Variants in MACF1 observed in about 807,000 individuals in gnomAD.
MACF1 encodes the protein microtubule actin crosslinking factor 1, also known as microtubule-actin cross-linking factor 1.
Under a neutral mutation model 854.8 loss-of-function variants are expected in MACF1, and 193 were observed. That is an observed-to-expected ratio of 0.23 (90% CI 0.20 to 0.25). The LOEUF is 0.25. MACF1 is among the 10% of genes least tolerant of loss of function. The pLI is 1.00. For synonymous variants in MACF1, 3,185 were observed against 3,226.7 expected (o/e 0.99, Z 0.44); for missense variants, 7,722 against 8,929.1 (o/e 0.86, Z 5.45).
At chr1:39,475,561 G>A (rs1644863366) in intron 97 of MACF1, among the ~76,000 whole-genome samples, 1 of 152,120 alleles carries the variant, frequency 6.6e-6, no homozygotes, top group Non-Finnish European at 1.5e-5. Flanking sequence ...CAGTAGGAAG[G>A]CTGCTACAGT....
chr1:39,162,221 C>G (rs60818661), intron 2 of MACF1, among the ~76,000 whole-genome samples: 4,503 of 152,222 alleles, frequency 0.03, 230 homozygotes, highest in African/African-American at 0.1. Flanking sequence ...AGGCTGGTCT[C>G]AAACTCCTGA....
chr1:39,311,569 T>C (rs1646301478), intron 26 of MACF1, among the ~76,000 whole-genome samples: 2 of 152,212 alleles, frequency 1.3e-5, no homozygotes, highest in Non-Finnish European at 2.9e-5. Context: ...AAATGTAGGA[T>C]AGTATTCTTG....
At chr1:39,376,708 T>C (rs1045761425) in intron 52 of MACF1, among the ~76,000 whole-genome samples, 1 of 152,064 alleles carries the variant, frequency 6.6e-6, no homozygotes, top group Non-Finnish European at 1.5e-5. Flanking sequence ...CCACCCTAAT[T>C]CAGCTAATTT....
At chr1:39,093,675 G>A (rs979578179) in intron 2 of MACF1, among the ~76,000 whole-genome samples, 16 of 151,868 alleles carry the variant, frequency 1.1e-4, no homozygotes, top group African/African-American at 3.9e-4. Flanking sequence ...TAGTAGACAC[G>A]GGGTTTCATC....
At chr1:39,247,572 C>T (rs1053193999) in intron 2 of MACF1, among the ~76,000 whole-genome samples, 1 of 152,002 alleles carries the variant, frequency 6.6e-6, no homozygotes, top group African/African-American at 2.4e-5. Flanking sequence ...TATTTCTTCC[C>T]AACATTGCAT....
chr1:39,210,203 TGG>T (rs1644499431), intron 1 of MACF1, among the ~76,000 whole-genome samples: 1 of 152,194 alleles, frequency 6.6e-6, no homozygotes, highest in Non-Finnish European at 1.5e-5. Context: ...CTTCCATTTA[TGG>T]CAATAACTGT....
intron 37 of MACF1, 69 bp downstream of exon 37, chr1:39,336,722 G>C: frequency 7.1e-7 from 1 of 1,404,596 alleles, no homozygotes; most frequent in Non-Finnish European, 9.5e-7. Flanking sequence ...TTCTTAACTG[G>C]GTACAGAGTT....
At chr1:39,207,140 T>G (rs530048084) in intron 1 of MACF1, among the ~76,000 whole-genome samples, 4 of 152,158 alleles carry the variant, frequency 2.6e-5, no homozygotes, top group Non-Finnish European at 5.9e-5. Context: ...GGGTAATTAA[T>G]TCATCTCTAT....
intron 36 of MACF1, among the ~76,000 whole-genome samples, chr1:39,330,596 A>G (rs552805084): frequency 2.6e-5 from 4 of 152,166 alleles, no homozygotes; most frequent in African/African-American, 9.6e-5. Flanking sequence ...ACTGCTTACC[A>G]CCCTGTAGAG....
At chr1:39,314,419 A>G (rs1646366556) in intron 26 of MACF1, among the ~76,000 whole-genome samples, 1 of 152,192 alleles carries the variant, frequency 6.6e-6, no homozygotes, top group Non-Finnish European at 1.5e-5. Flanking sequence ...CAAGAAAAAA[A>G]AAAGAAAACA....
chr1:39,306,520 T>A (rs555410247), intron 23 of MACF1, among the ~76,000 whole-genome samples: 1 of 152,260 alleles, frequency 6.6e-6, no homozygotes, highest in African/African-American at 2.4e-5. Context: ...CAAACTCTCC[T>A]ACATTACTGT....
Position 39,123,408 on chromosome 1 carries a change from A to G in MACF1, c.220+38970A>G, listed in dbSNP as rs928479457. 2.2e-4 allele frequency among the ~76,000 whole-genome samples: 34 copies of G among 151,830 alleles called. No individual in the cohort carries two copies. The East Asian group carries it at 5.5e-3, about 24-fold the overall frequency. ...TTTTTAGTGGAGATGGGGTTTTACC[A>G]TGTTGAACAGACTGGTCTCGAACTG... On this transcript the variant is annotated intron_variant, in intron 2 of 93. Transcript: ENST00000361689.
chr1:39,281,359 C>T (rs1159171639), intron 6 of MACF1, among the ~76,000 whole-genome samples: 1 of 151,922 alleles, frequency 6.6e-6, no homozygotes, highest in African/African-American at 2.4e-5. Context: ...ATATATATGA[C>T]TGTATACTTA....
chr1:39,146,428 GC>G (rs1466097779), intron 2 of MACF1, among the ~76,000 whole-genome samples: 1 of 148,626 alleles, frequency 6.7e-6, no homozygotes, highest in African/African-American at 2.5e-5. Context: ...AGGTGACAGA[GC>G]AAGACTCTGT....
At chr1:39,218,888 C>T (rs886884028) in intron 1 of MACF1, among the ~76,000 whole-genome samples, 5 of 152,148 alleles carry the variant, frequency 3.3e-5, no homozygotes, top group Non-Finnish European at 5.9e-5. Flanking sequence ...CCAAGTGATT[C>T]TCCTGCCTCA....
intron 1 of MACF1, among the ~76,000 whole-genome samples, chr1:39,225,049 T>C (rs1175868509): frequency 6.6e-6 from 1 of 152,004 alleles, no homozygotes. Context: ...CCACACATGA[T>C]GGCATGCACC....
At position 39,447,508 on chromosome 1, in the gene MACF1, T is replaced by C. The variant is rs751716930; in HGVS notation, c.19682T>C (p.Leu6561Pro). Reference sequence around the variant, plus strand: ...CAAGAATTTATCAACTGGCTCACTCTAGCAGAGCAGAGTTTAAACATCGCT... The same window carrying C: ...CAAGAATTTATCAACTGGCTCACTCCAGCAGAGCAGAGTTTAAACATCGCT... The part of the protein sequence containing the change: ...SLQEFINWLT[L>P]AEQSLNIASP... Residue 6561 changes from leucine (L) to proline (P), a missense_variant, in exon 81 of 101, where the codon CTA (leucine) becomes CCA (proline). By Grantham distance (98) the Leu-to-Pro change is moderately conservative (BLOSUM62 -3). This residue lies in a region of MACF1 where 729 missense variants were observed against 900.5 expected (regional missense o/e 0.81). Transcript: ENST00000564288. The C allele has an allele frequency of 1.9e-6, 3 of 1,614,060 alleles. No individual in the cohort carries two copies.
In MACF1 at chr1:39,372,459, C is replaced by T; in HGVS notation, c.13096-20C>T. 6.8e-7 allele frequency: 1 copy of T among 1,462,604 alleles called. No homozygotes were observed. Among genetic ancestry groups the T allele is most frequent in the African/African-American group, 1.4e-5 (1 of 71,662 alleles). The allele number at this position is 1,462,604 out of a possible 1,614,324, so 90.6% of individuals were successfully genotyped here. A position where few individuals can be genotyped will look rare whatever the true frequency, so the allele number is the denominator to read the frequency against. On this transcript the variant is annotated intron_variant, in intron 51 of 100. Coordinates refer to ENST00000564288, the MANE Select transcript of MACF1 (RefSeq NM_001394062.1). Reference sequence around the variant, plus strand: ...AAAAAGCCCCAGATACTACATTTGGCCATTTTCTTCTTTAAACAGAGTCTA... The same window carrying T: ...AAAAAGCCCCAGATACTACATTTGGTCATTTTCTTCTTTAAACAGAGTCTA...
At chr1:39,411,423 T>C in intron 58 of MACF1, 1 of 1,614,024 alleles carries the variant, frequency 6.2e-7, no homozygotes, top group Non-Finnish European at 8.5e-7. Flanking sequence ...TGAGGACTTT[T>C]GGCCACCTAT....
Sources: allele counts gnomAD v4.1 joint callset (sites outside exome capture counted in the v4.1 genomes callset), GRCh38; gene constraint gnomAD v4.1.1; regional missense constraint gnomAD v4.1.1; transcripts MANE v1.5; gene names NCBI Gene and HGNC (gene_info 2026-07-23, HGNC 2026-07-21).